FREM1: variants seen among roughly 807,000 people sequenced by gnomAD.
The protein encoded by FREM1 is FRAS1 related extracellular matrix 1, also known as FRAS1-related extracellular matrix protein 1.
In FREM1, 220 loss-of-function variants were observed where a neutral mutation model predicts 210.1. That is an observed-to-expected ratio of 1.05 (90% confidence interval 0.94 to 1.17). The LOEUF is 1.17. FREM1 is among the 50% of genes most tolerant of loss of function. The pLI, the probability that FREM1 is intolerant of heterozygous loss-of-function variation, is 0.00. For missense variants in FREM1, 3,454 were observed against 2,675.5 expected (o/e 1.29, Z -6.42); for synonymous variants, 1,189 against 980.2 (o/e 1.21, Z -3.98).
chr9:14,790,329 T>A (rs1423281363), intron 22 of FREM1, among the ~76,000 whole-genome samples: 3 of 152,166 alleles, frequency 2.0e-5, no homozygotes, highest in African/African-American at 7.2e-5. Flanking sequence ...AATATGTTTA[T>A]CCATCTGATG....
chr9:14,856,307 T>C (rs1378792077), intron 5 of FREM1, among the ~76,000 whole-genome samples: 1 of 152,202 alleles, frequency 6.6e-6, no homozygotes, highest in Non-Finnish European at 1.5e-5. Context: ...TTAACTATTA[T>C]TTGGACTCAG....
chr9:14,755,601 G>C (rs1264343725), intron 29 of FREM1, among the ~76,000 whole-genome samples: 2 of 152,196 alleles, frequency 1.3e-5, no homozygotes, highest in East Asian at 3.8e-4. Context: ...GGGAAAGATG[G>C]CCGGGCTCCA....
At chr9:14,798,576 C>T (rs568523368) in intron 20 of FREM1, among the ~76,000 whole-genome samples, 14 of 152,248 alleles carry the variant, frequency 9.2e-5, no homozygotes, top group Admixed American at 8.5e-4. Flanking sequence ...TCCCACTTCA[C>T]TCAAGCCTGG....
intron 13 of FREM1, among the ~76,000 whole-genome samples, chr9:14,820,412 TC>T (rs1210339036): frequency 1.3e-5 from 2 of 152,142 alleles, no homozygotes; most frequent in African/African-American, 2.4e-5. Flanking sequence ...GCAGCAGTTC[TC>T]CTAGGAAGCA....
intron 1 of FREM1, among the ~76,000 whole-genome samples, chr9:14,873,505 C>T (rs983153893): frequency 7.2e-5 from 11 of 152,058 alleles, no homozygotes; most frequent in African/African-American, 1.7e-4. Context: ...TCTGTGGGAT[C>T]GGTGGTGATA....
intron 15 of FREM1, among the ~76,000 whole-genome samples, chr9:14,815,875 T>C (rs918683307): frequency 2.0e-5 from 3 of 152,224 alleles, no homozygotes; most frequent in Admixed American, 2.0e-4. Flanking sequence ...CTTGAAATCC[T>C]GACCTCAAGT....
chr9:14,874,841 G>A (rs1011264295), intron 1 of FREM1, among the ~76,000 whole-genome samples: 1 of 152,082 alleles, frequency 6.6e-6, no homozygotes, highest in African/African-American at 2.4e-5. Flanking sequence ...CTTCCTTCAG[G>A]AGCTCTTTTA....
At position 14,851,608 on chromosome 9, in the gene FREM1, C is replaced by G. The variant is rs1244506651; in HGVS notation, c.829-1G>C. Reference sequence around the variant, plus strand: ...AGACAGGCAGCCACGCACTCTCTGACTTTTGAAGGATAGAGAAAATATAAA... The same window carrying G: ...AGACAGGCAGCCACGCACTCTCTGAGTTTTGAAGGATAGAGAAAATATAAA... On this transcript the variant is annotated splice_acceptor_variant, in intron 5 of 36. Coordinates refer to ENST00000380880, the MANE Select transcript of FREM1 (RefSeq NM_001379081.2). LOFTEE classifies it high-confidence loss of function. The G allele has an allele frequency of 1.2e-6, 2 of 1,608,406 alleles. No individual in the cohort carries two copies. The highest frequency in any genetic ancestry group is 1.3e-5 in the African/African-American group (1 of 74,756).
chr9:14,747,076 C>T (rs990899832), intron 33 of FREM1, 25 bp from the exon 34 acceptor site: 2 of 1,612,600 alleles, frequency 1.2e-6, no homozygotes, highest in South Asian at 1.1e-5. Context: ...GGCAATTTAG[C>T]AATTTAGAAT....
At chr9:14,850,253 G>A (rs950411357) in intron 6 of FREM1, among the ~76,000 whole-genome samples, 1 of 152,130 alleles carries the variant, frequency 6.6e-6, no homozygotes, top group Non-Finnish European at 1.5e-5. Flanking sequence ...GCAGCAAAAG[G>A]AAATTAGATA....
Position 14,792,748 on chromosome 9 carries a change from G to C in FREM1, c.3976C>G (p.Leu1326Val). 6.3e-7 allele frequency: 1 copy of C among 1,594,782 alleles called. No individual in the cohort carries two copies. The highest frequency in any genetic ancestry group is 8.5e-7 in the Non-Finnish European group (1 of 1,172,786). The change falls in exon 22 of 37, where the codon CTT (leucine) becomes GTT (valine). Residue 1326 changes from leucine (L) to valine (V), a missense_variant. By Grantham distance (32) the Leu-to-Val change is conservative. Transcript: ENST00000380880. ...ERLPQNGQLQ[L>V]KIGRDWVPLS... is the part of the protein sequence containing the mutation. ...AAAAGTAAGAAGTCACTAACCTTAAGCTGAAGTTGCCCATTTTGGGGAAGC... is the reference window on the plus strand; with the variant it reads ...AAAAGTAAGAAGTCACTAACCTTAACCTGAAGTTGCCCATTTTGGGGAAGC...
chr9:14,762,352 A>C (rs1444469874), intron 27 of FREM1, among the ~76,000 whole-genome samples: 2 of 152,250 alleles, frequency 1.3e-5, no homozygotes, highest in Non-Finnish European at 2.9e-5. Flanking sequence ...CTGAGAATTC[A>C]TCCATTGCTA....
At chr9:14,784,273 T>C (rs867221918) in intron 24 of FREM1, 97 bp downstream of exon 24, 3 of 1,088,302 alleles carry the variant, frequency 2.8e-6, no homozygotes, top group Middle Eastern at 6.2e-4. Context: ...TACATGTATT[T>C]TGTGAAATGG....
At chr9:14,873,237 A>C (rs1208974393) in intron 1 of FREM1, among the ~76,000 whole-genome samples, 1 of 152,130 alleles carries the variant, frequency 6.6e-6, no homozygotes, top group Non-Finnish European at 1.5e-5. Flanking sequence ...TAGTTTCAGA[A>C]GGAATGGTAC....
Position 14,868,691 on chromosome 9 carries a change from A to G in FREM1, c.234+53T>C, listed in dbSNP as rs1831999249. Reference sequence around the variant, plus strand: ...GTTCTCTGTCCCCCCACACATTTTCATACACTTGCATTCATACACACGACT... The same window carrying G: ...GTTCTCTGTCCCCCCACACATTTTCGTACACTTGCATTCATACACACGACT... On this transcript the variant is annotated intron_variant, in intron 2 of 36. Transcript: ENST00000380880. The G allele has an allele frequency of 4.4e-6, 5 of 1,136,344 alleles. No individual in the cohort carries two copies. In the Admixed American group the frequency reaches 7.8e-5, roughly 18 times the overall value. The allele number at this position is 1,136,344 out of a possible 1,614,324, so 70.4% of individuals were successfully genotyped here. A position where few individuals can be genotyped will look rare whatever the true frequency, so the allele number is the denominator to read the frequency against.
chr9:14,810,405 A>C (rs1381019083), intron 16 of FREM1, among the ~76,000 whole-genome samples: 3 of 152,178 alleles, frequency 2.0e-5, no homozygotes, highest in African/African-American at 7.2e-5. Flanking sequence ...AATGGAATAT[A>C]GCCTAAGGAC....
chr9:14,850,409 T>C (rs1429505282), intron 6 of FREM1: 1 of 149,074 alleles, frequency 6.7e-6, no homozygotes, highest in Admixed American at 6.6e-5. Flanking sequence ...AATAAAAGAA[T>C]TTATTAATAA....
chr9:14,790,289 C>G (rs1343856594), intron 22 of FREM1, among the ~76,000 whole-genome samples: 1 of 152,132 alleles, frequency 6.6e-6, no homozygotes, highest in African/African-American at 2.4e-5. Flanking sequence ...GCCTTTATGT[C>G]ATTCTACTTG....
chr9:14,869,347 T>C (rs1392296797), intron 1 of FREM1, 103 bp from the exon 2 acceptor site: 2 of 190,072 alleles, frequency 1.1e-5, no homozygotes, highest in Non-Finnish European at 2.2e-5. Context: ...TCAACCAGCC[T>C]ATGAGTTCAG....
Sources: allele counts gnomAD v4.1 joint callset (sites outside exome capture counted in the v4.1 genomes callset), GRCh38; gene constraint gnomAD v4.1.1; transcripts MANE v1.5; gene names NCBI Gene and HGNC (gene_info 2026-07-23, HGNC 2026-07-21).